Variants in PLXDC1 observed in about 807,000 individuals in gnomAD.
PLXDC1 encodes plexin domain-containing protein 1.
A neutral mutation model predicts 61.3 loss-of-function variants in PLXDC1; 39 were observed. That is an observed-to-expected ratio of 0.64 (90% confidence interval 0.49 to 0.83). PLXDC1 has a LOEUF of 0.83. Among genes scored for constraint, PLXDC1 ranks in the 40% least tolerant of loss-of-function variants. The probability of loss-of-function intolerance (pLI) is 0.00; values close to 1 mark genes in which losing one functional copy is unlikely to be tolerated. For missense variants in PLXDC1, 596 were observed against 666.5 expected, an observed-to-expected ratio of 0.89 and a Z score of 1.17; for synonymous variants, 212 against 254.5, an observed-to-expected ratio of 0.83 and a Z score of 1.59.
At position 39,121,032 on chromosome 17, in the gene PLXDC1, G is replaced by A. The variant is rs374002972; in HGVS notation, c.256-11641C>T. On this transcript the variant is annotated intron_variant, in intron 2 of 13. Coordinates refer to ENST00000315392, the MANE Select transcript of PLXDC1 (RefSeq NM_020405.5). ...ATTTTTAAATTTTTTGTAGAGTCAA[G>A]GTTTCACCATGTTGCCCAGTCTGGT... Among the ~76,000 whole-genome samples the A allele has an allele frequency of 8.6e-5, 13 of 151,920 alleles. 1 individual carries two copies. In the South Asian group the frequency reaches 2.5e-3, roughly 29 times the overall value.
In PLXDC1 at chr17:39,107,473, G is replaced by T; in HGVS notation, c.645C>A (p.Asp215Glu). 6.2e-7 allele frequency: 1 copy of T among 1,614,102 alleles called. No individual in the cohort carries two copies. ...WDHVYLQGWE[D>E]KGSFTFQAAL... ...CTGCCTGGAAGGTGAAACTGCCCTT[G>T]TCTTCCCAGCCTTGGAGATAAACGT... is the stretch of plus-strand genomic sequence containing the variant. The change falls in exon 6 of 14, where the codon GAC becomes GAA. Residue 215 changes from aspartate (D) to glutamate (E), a missense_variant. Asp to Glu is a conservative substitution (Grantham distance 45). Transcript: ENST00000315392.
intron 2 of PLXDC1, among the ~76,000 whole-genome samples, chr17:39,118,145 A>C: frequency 7.9e-6 from 1 of 127,090 alleles, no homozygotes; most frequent in Non-Finnish European, 1.6e-5. Flanking sequence ...CCTTCCTCTC[A>C]ATCTCTTCCT....
At chr17:39,068,505 T>C (rs896038926) in intron 13 of PLXDC1, among the ~76,000 whole-genome samples, 4 of 152,164 alleles carry the variant, frequency 2.6e-5, no homozygotes, top group East Asian at 1.9e-4. Flanking sequence ...GGTGAAACAC[T>C]GTCTCCACTA....
intron 2 of PLXDC1, among the ~76,000 whole-genome samples, chr17:39,133,950 G>A (rs1000846555): frequency 6.6e-6 from 1 of 151,832 alleles, no homozygotes; most frequent in Non-Finnish European, 1.5e-5. Context: ...TGATGCAGGA[G>A]GTGATAAGTA....
At chr17:39,073,470 ACC>A (rs1408579832) in intron 11 of PLXDC1, 24 of 152,374 alleles carry the variant, frequency 1.6e-4, no homozygotes, top group African/African-American at 5.8e-4. Flanking sequence ...GCAAATCTAG[ACC>A]ATTGAAGATC....
chr17:39,111,425 C>T (rs771897973), intron 2 of PLXDC1, among the ~76,000 whole-genome samples: 1 of 152,218 alleles, frequency 6.6e-6, no homozygotes, highest in Non-Finnish European at 1.5e-5. Flanking sequence ...GCTGGGATTA[C>T]AGGCACACGC....
intron 2 of PLXDC1, among the ~76,000 whole-genome samples, chr17:39,127,882 G>A (rs1741349426): frequency 1.4e-5 from 2 of 139,860 alleles, no homozygotes; most frequent in African/African-American, 2.7e-5. Context: ...GGCGTGAACC[G>A]AGGAGGTGGA....
At chr17:39,105,725 G>T in intron 7 of PLXDC1, 129 bp downstream of exon 7, 1 of 640,194 alleles carries the variant, frequency 1.6e-6, no homozygotes, top group Non-Finnish European at 2.8e-6. Flanking sequence ...ATCCTTTCCT[G>T]CCTGGTTTCC....
chr17:39,119,086 A>T (rs1283254211), intron 2 of PLXDC1, among the ~76,000 whole-genome samples: 1 of 152,218 alleles, frequency 6.6e-6, no homozygotes, highest in Non-Finnish European at 1.5e-5. Flanking sequence ...CTGGTTCCCA[A>T]CAGCTTTCCA....
At chr17:39,096,956 C>T (rs961819467) in intron 7 of PLXDC1, 2 of 471,222 alleles carry the variant, frequency 4.2e-6, no homozygotes, top group African/African-American at 2.0e-5. Context: ...AGATGCTTTG[C>T]AGACTCTGCT....
intron 7 of PLXDC1, among the ~76,000 whole-genome samples, chr17:39,090,843 G>A (rs991767883): frequency 3.3e-5 from 5 of 151,966 alleles, no homozygotes; most frequent in Admixed American, 6.6e-5. Flanking sequence ...AGGATGGCAC[G>A]CATTGCTTTC....
chr17:39,141,170 T>C (rs769805226), intron 1 of PLXDC1, among the ~76,000 whole-genome samples: 3 of 152,166 alleles, frequency 2.0e-5, no homozygotes, highest in Non-Finnish European at 2.9e-5. Flanking sequence ...GCTGGGACTA[T>C]AGGCATGCGC....
chr17:39,131,395 C>T (rs1439298159), intron 2 of PLXDC1, among the ~76,000 whole-genome samples: 3 of 151,890 alleles, frequency 2.0e-5, no homozygotes, highest in Non-Finnish European at 2.9e-5. Context: ...GCTCTGTCGC[C>T]CAGGCTGGAG....
At chr17:39,084,953 A>G (rs1055436924) in intron 8 of PLXDC1, among the ~76,000 whole-genome samples, 2 of 152,198 alleles carry the variant, frequency 1.3e-5, no homozygotes, top group Non-Finnish European at 2.9e-5. Flanking sequence ...TTTGATTGCA[A>G]AGAGAGACAG....
In PLXDC1 at chr17:39,151,351, G is replaced by A; in HGVS notation, c.76+11C>T. On this transcript the variant is annotated intron_variant, in intron 1 of 13. Coordinates refer to ENST00000315392, the MANE Select transcript of PLXDC1 (RefSeq NM_020405.5). This position sits in a 1 kb window ranked among gnomAD's most constrained non-coding sequence, Gnocchi z 5.2. ...CCCCGGCCCACCCGGGCCGGCTCCC[G>A]CCAGTCCTACCTGCTCCGGGCTGGG... 1 of 1,277,644 alleles carries A rather than the reference G, an allele frequency of 7.8e-7. No homozygotes were observed. The allele number at this position is 1,277,644 out of a possible 1,614,324, so 79.1% of individuals were successfully genotyped here. A position where few individuals can be genotyped will look rare whatever the true frequency, so the allele number is the denominator to read the frequency against.
intron 2 of PLXDC1, among the ~76,000 whole-genome samples, chr17:39,120,832 C>T (rs571757348): frequency 2.0e-5 from 3 of 150,378 alleles, no homozygotes; most frequent in Non-Finnish European, 3.0e-5. Flanking sequence ...AGCACAATCT[C>T]GGCTCCCTGC....
At chr17:39,109,099 C>A (rs947838376) in intron 3 of PLXDC1, 126 bp from the exon 4 acceptor site, 1 of 1,293,318 alleles carries the variant, frequency 7.7e-7, no homozygotes, top group East Asian at 2.4e-5. Context: ...GCTGGGCACC[C>A]CAACTCTGGC....
At chr17:39,114,899 C>T (rs1484238087) in intron 2 of PLXDC1, among the ~76,000 whole-genome samples, 5 of 152,186 alleles carry the variant, frequency 3.3e-5, no homozygotes, top group Non-Finnish European at 5.9e-5. Context: ...CCCAAACCTC[C>T]GGGCGTCTGA....
rs546319134 is a variant in PLXDC1, at chr17:39,097,860, C to A, written c.811+7994G>T. On this transcript the variant is annotated intron_variant, in intron 7 of 13. Coordinates refer to ENST00000315392, the MANE Select transcript of PLXDC1 (RefSeq NM_020405.5). ...GAGGTTGCAGTGAGCTATGATTGTG[C>A]TACTGCACTTCGGCCTGAGCGACAG... 4.8e-5 allele frequency among the ~76,000 whole-genome samples: 7 copies of A among 145,952 alleles called. No homozygotes were observed. In the East Asian group the frequency reaches 1.4e-3, roughly 29 times the overall value.
Sources: allele counts gnomAD v4.1 joint callset (sites outside exome capture counted in the v4.1 genomes callset), GRCh38; gene constraint gnomAD v4.1.1; non-coding constraint Gnocchi (gnomAD v3.1); transcripts MANE v1.5; gene names NCBI Gene and HGNC (gene_info 2026-07-23, HGNC 2026-07-21).